The following ASIC2 variants were observed in gnomAD, a reference collection of about 807,000 sequenced individuals.
ASIC2 encodes the protein acid sensing ion channel subunit 2, also known as acid-sensing ion channel 2.
Under a neutral mutation model 57.3 loss-of-function variants are expected in ASIC2, and 25 were observed. The ratio of observed to expected loss-of-function variants is 0.44; its 90% CI spans 0.32 to 0.61. ASIC2 has a LOEUF of 0.61. ASIC2 is among the 20% of genes least tolerant of loss of function. ASIC2 has a pLI of 0.06. For missense variants in ASIC2, 641 were observed against 738.1 expected (o/e 0.87, Z 1.52); for synonymous variants, 319 against 307.5 (o/e 1.04, Z -0.39).
chr17:33,826,808 C>T (rs559716287), intron 1 of ASIC2, among the ~76,000 whole-genome samples: 1 of 152,174 alleles, frequency 6.6e-6, no homozygotes, highest in Admixed American at 6.5e-5. Context: ...TAGAGTCAGA[C>T]ATAGTGTCTG....
intron 1 of ASIC2, among the ~76,000 whole-genome samples, chr17:33,341,540 C>T (rs922130441): frequency 6.6e-6 from 1 of 152,172 alleles, no homozygotes; most frequent in African/African-American, 2.4e-5. Flanking sequence ...CAACAGAGAC[C>T]CCATGACTTG....
chr17:33,543,750 G>A (rs1431325896), intron 1 of ASIC2, among the ~76,000 whole-genome samples: 1 of 152,158 alleles, frequency 6.6e-6, no homozygotes, highest in Non-Finnish European at 1.5e-5. Flanking sequence ...CTAAGCATGA[G>A]GAGCCTGGGA....
chr17:33,484,206 G>T (rs910750574), intron 1 of ASIC2, among the ~76,000 whole-genome samples: 19 of 152,202 alleles, frequency 1.2e-4, no homozygotes, highest in Non-Finnish European at 2.6e-4. Context: ...GTGGTGATTT[G>T]TTACAGCAGC....
chr17:33,773,803 T>C (rs1220786944), intron 1 of ASIC2, among the ~76,000 whole-genome samples: 1 of 151,706 alleles, frequency 6.6e-6, no homozygotes, highest in Non-Finnish European at 1.5e-5. Flanking sequence ...TACAGGCATA[T>C]GCTAGCATGC....
chr17:34,123,517 C>T (rs1234117587), intron 1 of ASIC2, among the ~76,000 whole-genome samples: 1 of 152,192 alleles, frequency 6.6e-6, no homozygotes, highest in African/African-American at 2.4e-5. Flanking sequence ...CTTGTACAGG[C>T]ACCTACCTCT....
intron 1 of ASIC2, among the ~76,000 whole-genome samples, chr17:33,873,780 C>T (rs576835559): frequency 6.6e-6 from 1 of 152,286 alleles, no homozygotes; most frequent in Admixed American, 6.5e-5. Flanking sequence ...AGTGATACCT[C>T]CAGAGAGAAT....
chr17:34,024,999 A>T (rs1472505806), intron 1 of ASIC2, among the ~76,000 whole-genome samples: 1 of 152,226 alleles, frequency 6.6e-6, no homozygotes, highest in Non-Finnish European at 1.5e-5. Context: ...AGAGCTGGCC[A>T]ACATGGGGCC....
intron 1 of ASIC2, among the ~76,000 whole-genome samples, chr17:34,094,460 C>T (rs1389143417): frequency 6.6e-6 from 1 of 152,190 alleles, no homozygotes; most frequent in Admixed American, 6.5e-5. Flanking sequence ...GCTGACTCCT[C>T]AATGGATTGT....
chr17:33,974,516 G>A (rs1206039391), intron 1 of ASIC2, among the ~76,000 whole-genome samples: 1 of 152,088 alleles, frequency 6.6e-6, no homozygotes, highest in Non-Finnish European at 1.5e-5. Context: ...TGCCCGGCAG[G>A]TGGACAGGAG....
At position 33,468,867 on chromosome 17, in the gene ASIC2, T is replaced by C. The variant is rs59743199; in HGVS notation, c.556-356800A>G. ...AGAGTGAAGGGCTCTTGACTTTCTC[T>C]CAGGGTACGGCTAATGGCAGGATCA... On this transcript the variant is annotated intron_variant, in intron 1 of 9. Transcript: ENST00000359872. Among the ~76,000 whole-genome samples, 101 of 152,320 alleles carry C rather than the reference T, an allele frequency of 6.6e-4. 3 individuals are homozygous for C. In the East Asian group the frequency reaches 0.017, roughly 26 times the overall value.
At chr17:33,026,051 T>C (rs2091858132) in intron 4 of ASIC2, 69 bp from the exon 5 acceptor site, 1 of 1,564,754 alleles carries the variant, frequency 6.4e-7, no homozygotes, top group African/African-American at 1.4e-5. Context: ...CCTCCTCTGC[T>C]TTGGGCTTAG....
At chr17:33,045,113 C>G (rs2141922023) in intron 3 of ASIC2, among the ~76,000 whole-genome samples, 1 of 152,286 alleles carries the variant, frequency 6.6e-6, no homozygotes, top group Non-Finnish European at 1.5e-5. Flanking sequence ...AGCCCCAACA[C>G]TGTACCAGCT....
At chr17:33,286,049 T>G (rs115216175) in intron 1 of ASIC2, among the ~76,000 whole-genome samples, 49 of 152,360 alleles carry the variant, frequency 3.2e-4, no homozygotes, top group African/African-American at 1.1e-3. Flanking sequence ...AAAAGTATCT[T>G]TCTTGATTCC....
intron 1 of ASIC2, among the ~76,000 whole-genome samples, chr17:33,521,237 A>G (rs973832252): frequency 6.6e-6 from 1 of 152,142 alleles, no homozygotes; most frequent in Non-Finnish European, 1.5e-5. Flanking sequence ...CAGGGGCTCA[A>G]CACTGTCGTC....
chr17:33,939,807 T>A (rs1916146132), intron 1 of ASIC2, among the ~76,000 whole-genome samples: 1 of 152,194 alleles, frequency 6.6e-6, no homozygotes, highest in Non-Finnish European at 1.5e-5. Context: ...ATCTGGCTCA[T>A]GGGACACATG....
chr17:33,642,218 C>CA (rs1215237239), intron 1 of ASIC2, among the ~76,000 whole-genome samples: 12 of 131,242 alleles, frequency 9.1e-5, no homozygotes, highest in African/African-American at 3.1e-4. Context: ...CCCCCCCCCC[C>CA]CCCACACACA....
intron 1 of ASIC2, among the ~76,000 whole-genome samples, chr17:33,414,001 T>C (rs1910751219): frequency 6.6e-6 from 1 of 152,100 alleles, no homozygotes; most frequent in South Asian, 2.1e-4. Flanking sequence ...GGAGCATCAT[T>C]TGAGGAGACC....
At chr17:33,076,844 AGTT>A (rs2092090882) in intron 3 of ASIC2, among the ~76,000 whole-genome samples, 1 of 152,202 alleles carries the variant, frequency 6.6e-6, no homozygotes, top group Non-Finnish European at 1.5e-5. Context: ...TGAACATTTA[AGTT>A]GTGTCTAAAT....
chr17:33,190,199 T>C (rs1395813027), intron 1 of ASIC2, among the ~76,000 whole-genome samples: 1 of 152,194 alleles, frequency 6.6e-6, no homozygotes, highest in Non-Finnish European at 1.5e-5. Context: ...CTGAATAATA[T>C]GCAATTGAAA....
Sources: allele counts gnomAD v4.1 joint callset (sites outside exome capture counted in the v4.1 genomes callset), GRCh38; gene constraint gnomAD v4.1.1; transcripts MANE v1.5; gene names NCBI Gene and HGNC (gene_info 2026-07-23, HGNC 2026-07-21).